Variants in IL1RAPL1 observed in about 807,000 individuals in gnomAD.
IL1RAPL1 encodes interleukin 1 receptor accessory protein like 1.
In IL1RAPL1, 3 loss-of-function variants were observed where a neutral mutation model predicts 48.4. That is an observed-to-expected ratio of 0.06 (90% CI 0.03 to 0.16). IL1RAPL1 has a LOEUF of 0.16. IL1RAPL1 is among the 10% of genes least tolerant of loss of function. The pLI, the probability that IL1RAPL1 is intolerant of heterozygous loss-of-function variation, is 1.00. For synonymous variants in IL1RAPL1, 185 were observed against 187.7 expected (o/e 0.99, Z 0.12); for missense variants, 349 against 530.6 (o/e 0.66, Z 3.36).
At chrX:28,871,206 G>A (rs966725541) in intron 2 of IL1RAPL1, among the ~76,000 whole-genome samples, 3 of 111,573 alleles carry the variant, frequency 2.7e-5, no homozygotes, top group Admixed American at 9.5e-5. Flanking sequence ...GAACATAACC[G>A]TAAAAGGAAT....
intron 1 of IL1RAPL1, chrX:28,659,095 C>A (rs1934785959): frequency 3.0e-6 from 2 of 672,934 alleles, no homozygotes; most frequent in Non-Finnish European, 4.8e-6. Context: ...AGCCTGCTAG[C>A]TTGATGTCTT....
chrX:29,046,889 A>G (rs911781250), intron 2 of IL1RAPL1, among the ~76,000 whole-genome samples: 1 of 111,967 alleles, frequency 8.9e-6, no homozygotes, highest in Non-Finnish European at 1.9e-5. Flanking sequence ...CTGTCTCACT[A>G]ATTGCTGCCA....
chrX:29,341,959 C>T (rs1933082987), intron 3 of IL1RAPL1, among the ~76,000 whole-genome samples: 1 of 110,109 alleles, frequency 9.1e-6, no homozygotes, highest in South Asian at 3.9e-4. Context: ...GGTGCACCTG[C>T]TACCACGTAC....
At chrX:28,637,440 C>T (rs951441913) in intron 1 of IL1RAPL1, among the ~76,000 whole-genome samples, 1 of 111,591 alleles carries the variant, frequency 9.0e-6, no homozygotes, top group Non-Finnish European at 1.9e-5. Flanking sequence ...TCCACCCCAC[C>T]CCCAGAATAA....
At chrX:28,779,443 T>C (rs1370467517) in intron 1 of IL1RAPL1, among the ~76,000 whole-genome samples, 3 of 108,175 alleles carry the variant, frequency 2.8e-5, no homozygotes, top group Non-Finnish European at 3.8e-5. Flanking sequence ...TGTCTTTATA[T>C]TGTTGTTCAC....
rs1026417134 is a variant in IL1RAPL1, at chrX:28,668,621, GTAAA to G, written c.-25+80581_-25+80584del. Among the ~76,000 whole-genome samples, 6 of 113,221 alleles carry G rather than the reference GTAAA, an allele frequency of 5.3e-5. No homozygotes were observed. In the East Asian group the frequency reaches 1.4e-3, roughly 26 times the overall value. ...TGTATATAAATAGCATATAGCTGTA[GTAAA>G]TAAATATCTTTGATGATTGATCTAA... On this transcript the variant is annotated intron_variant, in intron 1 of 10. Transcript: ENST00000378993.
At chrX:29,494,840 A>G (rs1004702367) in intron 5 of IL1RAPL1, among the ~76,000 whole-genome samples, 3 of 112,258 alleles carry the variant, frequency 2.7e-5, no homozygotes, top group Admixed American at 9.4e-5. Context: ...CTTATTTTAT[A>G]CTGTCTTTAT....
intron 2 of IL1RAPL1, among the ~76,000 whole-genome samples, chrX:29,142,030 CTTCTT>C (rs1929253657): frequency 1.8e-5 from 2 of 111,476 alleles, no homozygotes; most frequent in Non-Finnish European, 3.8e-5. Context: ...TCTTGTGTGA[CTTCTT>C]TTTCAGTCAG....
intron 6 of IL1RAPL1, among the ~76,000 whole-genome samples, chrX:29,907,441 T>G (rs1383308013): frequency 1.8e-5 from 2 of 111,331 alleles, no homozygotes; most frequent in East Asian, 5.6e-4. Context: ...AGTATATTTA[T>G]TTCATAGTAA....
chrX:29,742,752 T>C (rs1385829149), intron 6 of IL1RAPL1, among the ~76,000 whole-genome samples: 1 of 112,061 alleles, frequency 8.9e-6, no homozygotes, highest in Non-Finnish European at 1.9e-5. Context: ...ATTAGCTCTT[T>C]GATGATTAAT....
chrX:28,711,189 T>G (rs1935435892), intron 1 of IL1RAPL1, among the ~76,000 whole-genome samples: 1 of 111,849 alleles, frequency 8.9e-6, no homozygotes, highest in South Asian at 3.7e-4. Context: ...TGGGGAGAAC[T>G]GGTCAGATTG....
At chrX:29,375,253 C>G (rs1423101145) in intron 3 of IL1RAPL1, among the ~76,000 whole-genome samples, 2 of 101,534 alleles carry the variant, frequency 2.0e-5, no homozygotes, top group Non-Finnish European at 4.0e-5. Flanking sequence ...CCTCCGCCTC[C>G]CAGGTTCAAG....
chrX:29,080,817 G>T (rs376099091), intron 2 of IL1RAPL1, among the ~76,000 whole-genome samples: 1 of 102,745 alleles, frequency 9.7e-6, no homozygotes, highest in African/African-American at 3.6e-5. Context: ...ATTTTGGCTC[G>T]CTGCAACCTC....
intron 6 of IL1RAPL1, among the ~76,000 whole-genome samples, chrX:29,739,510 T>G (rs1459135513): frequency 8.9e-6 from 1 of 111,816 alleles, no homozygotes; most frequent in Admixed American, 9.5e-5. Context: ...TGGAAACATA[T>G]GTATAACACG....
At chrX:29,076,214 G>A (rs2147444018) in intron 2 of IL1RAPL1, among the ~76,000 whole-genome samples, 1 of 111,506 alleles carries the variant, frequency 9.0e-6, no homozygotes, top group East Asian at 2.8e-4. Context: ...CTAACTTTTA[G>A]TAATTGTCAA....
At chrX:29,936,251 G>T (rs972689450) in intron 8 of IL1RAPL1, among the ~76,000 whole-genome samples, 1 of 110,988 alleles carries the variant, frequency 9.0e-6, no homozygotes, top group Non-Finnish European at 1.9e-5. Flanking sequence ...AATTTATGTG[G>T]ATGGATAAAT....
intron 2 of IL1RAPL1, among the ~76,000 whole-genome samples, chrX:29,228,973 T>G (rs1455347367): frequency 9.0e-6 from 1 of 111,655 alleles, no homozygotes; most frequent in Non-Finnish European, 1.9e-5. Flanking sequence ...GGGCTGCAAT[T>G]ACTGGCTTCT....
intron 2 of IL1RAPL1, among the ~76,000 whole-genome samples, chrX:29,043,028 G>C (rs923863482): frequency 1.8e-5 from 2 of 111,630 alleles, no homozygotes; most frequent in Non-Finnish European, 3.8e-5. Context: ...TGTCCTGGTT[G>C]TACTAGGAAA....
At chrX:28,607,914 G>C (rs943058622) in intron 1 of IL1RAPL1, among the ~76,000 whole-genome samples, 4 of 111,236 alleles carry the variant, frequency 3.6e-5, no homozygotes, top group African/African-American at 1.3e-4. Context: ...TATCTGAAAA[G>C]AATTCCACGG....
Sources: allele counts gnomAD v4.1 joint callset (sites outside exome capture counted in the v4.1 genomes callset), GRCh38; gene constraint gnomAD v4.1.1; transcripts MANE v1.5; gene names NCBI Gene and HGNC (gene_info 2026-07-23, HGNC 2026-07-21).